The following ASF1B variants were observed in gnomAD, a reference collection of about 807,000 sequenced individuals.
ASF1B encodes the protein histone chaperone ASF1B.
A neutral mutation model predicts 16.6 loss-of-function variants in ASF1B; 10 were observed. The ratio of observed to expected loss-of-function variants is 0.60; its 90% CI spans 0.37 to 1.02. The LOEUF (loss-of-function observed/expected upper bound fraction) is 1.02, where lower values mean the gene tolerates loss of function less well. ASF1B is among the 50% of genes least tolerant of loss of function. ASF1B has a pLI of 0.01. For missense variants in ASF1B, 240 were observed against 266.0 expected, an observed-to-expected ratio of 0.90 and a Z score of 0.68; for synonymous variants, 101 against 106.2, an observed-to-expected ratio of 0.95 and a Z score of 0.30.
intron 2 of ASF1B, among the ~76,000 whole-genome samples, chr19:14,124,302 A>C (rs1035535693): frequency 1.3e-5 from 2 of 151,996 alleles, no homozygotes; most frequent in Non-Finnish European, 2.9e-5. Flanking sequence ...GACAGGTGCA[A>C]GCCACCACAC....
At position 14,136,339 on chromosome 19, in the gene ASF1B, C is replaced by G. The variant is rs1240461416; in HGVS notation, c.109+9G>C. On this transcript the variant is annotated intron_variant, in intron 1 of 3. Transcript: ENST00000263382. ...GGGGGTGGGGGTCCCCGCACAGGCCCAGCCTCACCGTCCGCCAGGGCTTCA... is the reference window on the plus strand; with the variant it reads ...GGGGGTGGGGGTCCCCGCACAGGCCGAGCCTCACCGTCCGCCAGGGCTTCA... The G allele has an allele frequency of 2.5e-6, 4 of 1,611,640 alleles. No individual in the cohort carries two copies. In the African/African-American group the frequency reaches 5.3e-5, roughly 22 times the overall value.
intron 1 of ASF1B, among the ~76,000 whole-genome samples, chr19:14,126,749 G>A (rs1050708658): frequency 6.6e-6 from 1 of 152,140 alleles, no homozygotes; most frequent in Admixed American, 6.6e-5. Context: ...TGGGATGACA[G>A]GTGTGAGCCA....
chr19:14,130,058 A>T (rs1225975246), intron 1 of ASF1B, among the ~76,000 whole-genome samples: 2 of 151,100 alleles, frequency 1.3e-5, no homozygotes, highest in Non-Finnish European at 3.0e-5. Context: ...TGTAATTCTA[A>T]TTTATTTTAT....
chr19:14,136,536 G>T lies in ASF1B; in HGVS notation c.-80C>A. ...CGCGCCTGGGTCCGGTGGGGTCAGT[G>T]GGGTAGGGCTGACCAGGTCCACTCC... is the stretch of plus-strand genomic sequence containing the variant. On this transcript the variant is annotated 5_prime_UTR_variant, in exon 1 of 4. Transcript: ENST00000263382. 2 of 1,234,816 alleles carry T rather than the reference G, an allele frequency of 1.6e-6. No homozygotes were observed. Among genetic ancestry groups the T allele is most frequent in the Non-Finnish European group, 2.3e-6 (2 of 871,130 alleles). The allele number at this position is 1,234,816 out of a possible 1,614,324, so 76.5% of individuals were successfully genotyped here. A position where few individuals can be genotyped will look rare whatever the true frequency, so the allele number is the denominator to read the frequency against.
Position 14,126,248 on chromosome 19 carries a change from A to ATAGGAGGG in ASF1B, c.110-19_110-12dup. The ATAGGAGGG allele has an allele frequency of 6.3e-7, 1 of 1,595,026 alleles. No homozygotes were observed. ...TCTTCCACTCCAGGTCTGCAAAGATATAGGAGGGTTAACTAATTGAAATAG... is the reference window on the plus strand; with the variant it reads ...TCTTCCACTCCAGGTCTGCAAAGATATAGGAGGGTAGGAGGGTTAACTAATTGAAATAG... On this transcript the variant is annotated splice_polypyrimidine_tract_variant and intron_variant, in intron 1 of 3. Coordinates refer to ENST00000263382, the MANE Select transcript of ASF1B (RefSeq NM_018154.3).
chr19:14,130,888 T>C (rs1369502410), intron 1 of ASF1B, among the ~76,000 whole-genome samples: 2 of 151,942 alleles, frequency 1.3e-5, no homozygotes, highest in African/African-American at 4.8e-5. Context: ...TTTTTTGTTG[T>C]TGTTTTTTTG....
chr19:14,135,524 G>A (rs891226771), intron 1 of ASF1B, among the ~76,000 whole-genome samples: 17 of 152,154 alleles, frequency 1.1e-4, no homozygotes, highest in African/African-American at 3.9e-4. Context: ...TGTGCATTGG[G>A]GCAGAAAAGC....
chr19:14,129,707 AAAAGAAG>A (rs1967371009), intron 1 of ASF1B, among the ~76,000 whole-genome samples: 1 of 144,116 alleles, frequency 6.9e-6, no homozygotes, highest in Non-Finnish European at 1.5e-5. Context: ...AAAAAAAAAA[AAAAGAAG>A]AAAGAAGGAA....
intron 1 of ASF1B, among the ~76,000 whole-genome samples, chr19:14,134,409 T>C (rs1967454812): frequency 6.6e-6 from 1 of 151,746 alleles, no homozygotes. Context: ...CACATCTCAC[T>C]CTATCAGCTC....
rs763845547 is a variant in ASF1B at position 14,121,713 on chromosome 19, G to T, written c.226-5C>A. 4.3e-6 allele frequency: 7 copies of T among 1,612,498 alleles called. No individual in the cohort carries two copies. The South Asian group carries it at 7.7e-5, about 18-fold the overall frequency. The stretch of plus-strand genomic sequence containing the variant: ...GGATGGGTTGGGGGCGTCGGCCTAG[G>T]GGAGACACATCCTAGGCCTTAGCAG... On this transcript the variant is annotated splice_region_variant and splice_polypyrimidine_tract_variant and intron_variant, in intron 2 of 3. Coordinates refer to ENST00000263382, the MANE Select transcript of ASF1B (RefSeq NM_018154.3).
chr19:14,130,473 A>C (rs1967384514), intron 1 of ASF1B, among the ~76,000 whole-genome samples: 2 of 151,652 alleles, frequency 1.3e-5, no homozygotes, highest in Non-Finnish European at 2.9e-5. Context: ...GTTCAAGTCC[A>C]GTCTGGGCAA....
chr19:14,134,526 G>A (rs563052889), intron 1 of ASF1B, among the ~76,000 whole-genome samples: 31 of 151,568 alleles, frequency 2.0e-4, no homozygotes, highest in African/African-American at 6.0e-4. Context: ...CCACCTCCTC[G>A]GCTGCTGCCT....
intron 1 of ASF1B, among the ~76,000 whole-genome samples, chr19:14,127,445 A>G (rs1967335126): frequency 6.6e-6 from 1 of 152,140 alleles, no homozygotes; most frequent in Admixed American, 6.6e-5. Context: ...GTGCCACTCA[A>G]CGAAGTGGAT....
chr19:14,120,406 T>C lies in ASF1B; in HGVS notation c.*53A>G. The C allele has an allele frequency of 1.9e-6, 3 of 1,574,268 alleles. No homozygotes were observed. Among genetic ancestry groups the C allele is most frequent in the South Asian group, 2.2e-5 (2 of 89,578 alleles). ...TCTAGATGGGCCCTGCAGGACTCGC[T>C]GGGAGGCCTGGTTGCCCCTCCCGGC... On this transcript the variant is annotated 3_prime_UTR_variant, in exon 4 of 4. Transcript: ENST00000263382.
intron 3 of ASF1B, chr19:14,121,174 G>GCA (rs1263686635): frequency 2.7e-6 from 1 of 372,712 alleles, no homozygotes; most frequent in Non-Finnish European, 4.8e-6. Context: ...AGGCTGGAAT[G>GCA]CAGTGGCACG....
intron 3 of ASF1B, chr19:14,121,235 C>T (rs180678673): frequency 8.3e-5 from 38 of 456,742 alleles, no homozygotes; most frequent in African/African-American, 7.5e-4. Context: ...ATCCTCCCAC[C>T]TCAGCCTCCA....
At position 14,121,357 on chromosome 19, in the gene ASF1B, A is replaced by G. The variant is rs530245387; in HGVS notation, c.402+175T>C. 36 of 647,486 alleles carry G rather than the reference A, an allele frequency of 5.6e-5. No individual in the cohort carries two copies. The African/African-American group carries it at 6.3e-4, about 11-fold the overall frequency. The allele number at this position is 647,486 out of a possible 1,614,324, so 40.1% of individuals were successfully genotyped here. A position where few individuals can be genotyped will look rare whatever the true frequency, so the allele number is the denominator to read the frequency against. On this transcript the variant is annotated intron_variant, in intron 3 of 3. Coordinates refer to ENST00000263382, the MANE Select transcript of ASF1B (RefSeq NM_018154.3). ...AGGCTGGCCTAATCTTAATTCTCTA[A>G]GACATGCCTTTGAGAGACAAAGGTC...
chr19:14,129,882 A>G (rs1208235824), intron 1 of ASF1B, among the ~76,000 whole-genome samples: 1 of 150,834 alleles, frequency 6.6e-6, no homozygotes, highest in Non-Finnish European at 1.5e-5. Flanking sequence ...CAAAAAATAC[A>G]AAAAATTAGC....
intron 1 of ASF1B, among the ~76,000 whole-genome samples, chr19:14,134,063 C>T (rs1239481033): frequency 5.3e-5 from 8 of 151,996 alleles, no homozygotes. Flanking sequence ...CTCGGCCTCC[C>T]AAAGTGCTGG....
Sources: allele counts gnomAD v4.1 joint callset (sites outside exome capture counted in the v4.1 genomes callset), GRCh38; gene constraint gnomAD v4.1.1; transcripts MANE v1.5; gene names NCBI Gene and HGNC (gene_info 2026-07-23, HGNC 2026-07-21).